The following CSMD1 variants were observed in gnomAD, a reference collection of about 807,000 sequenced individuals.
The protein encoded by CSMD1 is CUB and Sushi multiple domains 1, also known as CUB and sushi domain-containing protein 1.
A neutral mutation model predicts 417.5 loss-of-function variants in CSMD1; 213 were observed. The ratio of observed to expected loss-of-function variants is 0.51; its 90% CI spans 0.46 to 0.57. The LOEUF (loss-of-function observed/expected upper bound fraction) is 0.57, where lower values mean the gene tolerates loss of function less well. CSMD1 is among the 20% of genes least tolerant of loss of function. CSMD1 has a pLI of 0.00. For synonymous variants in CSMD1, 2,862 were observed against 1,736.8 expected, an observed-to-expected ratio of 1.65 and a Z score of -16.11; for missense variants, 6,923 against 4,529.7, an observed-to-expected ratio of 1.53 and a Z score of -15.17.
intron 1 of CSMD1, among the ~76,000 whole-genome samples, chr8:4,943,203 T>C (rs1670939110): frequency 1.3e-5 from 2 of 152,106 alleles, no homozygotes; most frequent in African/African-American, 4.8e-5. Flanking sequence ...TGCACTTTAT[T>C]TGAAAATCAT....
chr8:3,306,829 ACTTTAAAAATATTACAGAGCTTAC>A (rs1194348220), intron 25 of CSMD1, among the ~76,000 whole-genome samples: 1 of 27,870 alleles, frequency 3.6e-5, no homozygotes, highest in Non-Finnish European at 8.2e-5. Flanking sequence ...CCAAGAGCTT[ACTTTAAAAATATTACAGAGCTTAC>A]TTTAAAAATA....
chr8:4,351,093 A>C (rs1801065822), intron 3 of CSMD1, among the ~76,000 whole-genome samples: 1 of 152,104 alleles, frequency 6.6e-6, no homozygotes, highest in African/African-American at 2.4e-5. Flanking sequence ...CTGAAGCCAG[A>C]GGATCGCCTG....
intron 17 of CSMD1, among the ~76,000 whole-genome samples, chr8:3,391,164 G>T (rs1437596755): frequency 8.3e-6 from 1 of 120,680 alleles, no homozygotes; most frequent in Non-Finnish European, 1.7e-5. Context: ...AAAAGTCACC[G>T]AATCTCAGCA....
At chr8:3,809,915 C>T (rs1299563286) in intron 5 of CSMD1, among the ~76,000 whole-genome samples, 1 of 152,106 alleles carries the variant, frequency 6.6e-6, no homozygotes, top group East Asian at 1.9e-4. Context: ...TTAATCTAAT[C>T]CTCATTTACT....
intron 3 of CSMD1, among the ~76,000 whole-genome samples, chr8:4,043,131 TACAAA>T (rs572107525): frequency 5.9e-5 from 9 of 151,928 alleles, no homozygotes; most frequent in Admixed American, 3.9e-4. Flanking sequence ...AGACTCTGTC[TACAAA>T]ACAAAACAAA....
At chr8:4,889,077 A>G (rs150548356) in intron 1 of CSMD1, among the ~76,000 whole-genome samples, 2 of 152,202 alleles carry the variant, frequency 1.3e-5, no homozygotes, top group African/African-American at 4.8e-5. Context: ...AGCCCAGTGA[A>G]TGAACGTTTG....
intron 3 of CSMD1, among the ~76,000 whole-genome samples, chr8:4,089,150 T>A (rs1366216616): frequency 6.6e-6 from 1 of 152,206 alleles, no homozygotes; most frequent in Non-Finnish European, 1.5e-5. Flanking sequence ...AAACATTGCT[T>A]GGCAAGACAT....
chr8:4,316,606 T>A (rs1333124940), intron 3 of CSMD1, among the ~76,000 whole-genome samples: 1 of 151,972 alleles, frequency 6.6e-6, no homozygotes, highest in Non-Finnish European at 1.5e-5. Flanking sequence ...GGTGTAGACA[T>A]CAGAGACACC....
chr8:4,261,754 T>A (rs1197498373), intron 3 of CSMD1, among the ~76,000 whole-genome samples: 1 of 152,066 alleles, frequency 6.6e-6, no homozygotes, highest in Non-Finnish European at 1.5e-5. Context: ...AAAAATGTTT[T>A]CTATGTGAAG....
chr8:4,441,413 C>G (rs1418078976), intron 2 of CSMD1, among the ~76,000 whole-genome samples: 1 of 151,452 alleles, frequency 6.6e-6, no homozygotes, highest in Non-Finnish European at 1.5e-5. Flanking sequence ...TCACCCAGCC[C>G]CAGAAGTCAT....
intron 1 of CSMD1, among the ~76,000 whole-genome samples, chr8:4,715,116 A>G (rs974938244): frequency 6.6e-6 from 1 of 152,200 alleles, no homozygotes; most frequent in African/African-American, 2.4e-5. Context: ...TATAGTTCAG[A>G]TCCAAAAACT....
At chr8:4,969,700 A>C (rs191125524) in intron 1 of CSMD1, among the ~76,000 whole-genome samples, 27 of 152,170 alleles carry the variant, frequency 1.8e-4, no homozygotes, top group African/African-American at 6.5e-4. Context: ...TGGAGGGAAG[A>C]TTCCTGCGGC....
intron 3 of CSMD1, among the ~76,000 whole-genome samples, chr8:4,042,604 G>C (rs962989213): frequency 6.6e-6 from 1 of 151,850 alleles, no homozygotes; most frequent in Non-Finnish European, 1.5e-5. Context: ...CACCAGGAAT[G>C]ATACCCGTAT....
chr8:3,505,556 C>T (rs1227605724), intron 10 of CSMD1, among the ~76,000 whole-genome samples: 1 of 152,180 alleles, frequency 6.6e-6, no homozygotes, highest in Non-Finnish European at 1.5e-5. Flanking sequence ...TACGTCACCT[C>T]ACAGAATTCA....
chr8:4,671,589 AAAC>A (rs1417056834), intron 1 of CSMD1, among the ~76,000 whole-genome samples: 1 of 152,216 alleles, frequency 6.6e-6, no homozygotes, highest in Non-Finnish European at 1.5e-5. Flanking sequence ...GAATAGTCTC[AAAC>A]AACGTTATCT....
Position 3,097,042 on chromosome 8 carries a change from A to G in CSMD1, c.6950-5T>C, listed in dbSNP as rs751650229. 2.6e-6 allele frequency: 4 copies of G among 1,521,530 alleles called. No homozygotes were observed. In the Admixed American group the frequency reaches 8.9e-5, roughly 34 times the overall value. The allele number at this position is 1,521,530 out of a possible 1,614,324, so 94.3% of individuals were successfully genotyped here. A position where few individuals can be genotyped will look rare whatever the true frequency, so the allele number is the denominator to read the frequency against. ...CTTCATTTGCTGGGCATTGTGCTGG[A>G]GAGAAAAGTACCAGCAAAAGTTTGC... On this transcript the variant is annotated splice_polypyrimidine_tract_variant and splice_region_variant and intron_variant, in intron 46 of 69. Coordinates refer to ENST00000635120, the MANE Select transcript of CSMD1 (RefSeq NM_033225.6).
intron 3 of CSMD1, among the ~76,000 whole-genome samples, chr8:4,341,928 C>T (rs1033748012): frequency 6.6e-6 from 1 of 152,108 alleles, no homozygotes; most frequent in African/African-American, 2.4e-5. Context: ...AGAATTAGTA[C>T]TATGCTTTGT....
intron 2 of CSMD1, among the ~76,000 whole-genome samples, chr8:4,588,516 C>T (rs949627696): frequency 6.6e-6 from 1 of 151,850 alleles, no homozygotes; most frequent in African/African-American, 2.4e-5. Flanking sequence ...CTACTCTGGC[C>T]GGGCATGGTG....
intron 43 of CSMD1, among the ~76,000 whole-genome samples, chr8:3,108,968 T>A (rs1816329084): frequency 6.6e-6 from 1 of 152,190 alleles, no homozygotes; most frequent in Non-Finnish European, 1.5e-5. Context: ...TCGGCACTTG[T>A]CAAATGTCAA....
Sources: gnomAD v4.1 joint callset for allele counts (sites outside exome capture counted in the v4.1 genomes callset) on GRCh38, gnomAD v4.1.1 for gene constraint, MANE v1.5 for transcripts, NCBI Gene and HGNC (gene_info 2026-07-23, HGNC 2026-07-21) for gene names.